Variants in PDCD6IP observed in about 807,000 individuals in gnomAD.
The protein encoded by PDCD6IP is programmed cell death 6-interacting protein.
In PDCD6IP, 43 loss-of-function variants were observed where a neutral mutation model predicts 103.7. The ratio of observed to expected loss-of-function variants is 0.41; its 90% confidence interval spans 0.32 to 0.53. The LOEUF is 0.53. Among genes scored for constraint, PDCD6IP ranks in the 20% least tolerant of loss-of-function variants. The pLI is 0.16. For missense variants in PDCD6IP, 871 were observed against 1,036.7 expected, an observed-to-expected ratio of 0.84 and a Z score of 2.20; for synonymous variants, 354 against 378.7, an observed-to-expected ratio of 0.93 and a Z score of 0.76.
chr3:33,808,294 G>A (rs1355184794), intron 1 of PDCD6IP, among the ~76,000 whole-genome samples: 3 of 152,126 alleles, frequency 2.0e-5, no homozygotes, highest in African/African-American at 7.2e-5. Context: ...ATTTTTTTGA[G>A]ACAAGATTTC....
At chr3:33,850,832 G>T (rs539894626) in intron 12 of PDCD6IP, among the ~76,000 whole-genome samples, 23 of 151,746 alleles carry the variant, frequency 1.5e-4, no homozygotes, top group Non-Finnish European at 3.2e-4. Context: ...TAGACTCTAG[G>T]AATCATATTT....
intron 15 of PDCD6IP, among the ~76,000 whole-genome samples, chr3:33,858,208 T>A (rs991116106): frequency 5.9e-5 from 9 of 152,318 alleles, no homozygotes; most frequent in Middle Eastern, 3.4e-3. Flanking sequence ...AAAATATAAG[T>A]TTGTCATATA....
At chr3:33,822,143 A>G in intron 4 of PDCD6IP, 61 bp downstream of exon 4, 1 of 1,553,132 alleles carries the variant, frequency 6.4e-7, no homozygotes, top group Non-Finnish European at 8.8e-7. Context: ...AGTGGAAAAT[A>G]ATTTGCATTT....
chr3:33,836,814 G>A (rs562176071), intron 8 of PDCD6IP, among the ~76,000 whole-genome samples: 10 of 151,876 alleles, frequency 6.6e-5, no homozygotes, highest in South Asian at 2.1e-4. Context: ...AGCTGAGACC[G>A]TGCCACCATA....
chr3:33,827,176 T>C, intron 6 of PDCD6IP: 3 of 982,258 alleles, frequency 3.1e-6, no homozygotes, highest in Non-Finnish European at 3.6e-6. Context: ...GTGACAATTG[T>C]AAAGACTATT....
At chr3:33,834,281 T>A (rs1043237626) in intron 7 of PDCD6IP, among the ~76,000 whole-genome samples, 5 of 152,178 alleles carry the variant, frequency 3.3e-5, no homozygotes, top group Non-Finnish European at 7.3e-5. Flanking sequence ...CCTGTTTTGT[T>A]GTTTTCAGAT....
In PDCD6IP at chr3:33,864,063, G is replaced by GT. The variant is rs1197988748; in HGVS notation, c.2179dup (p.Tyr727LeufsTer25). ...GTGCTCCTTCAATTCCTACACCTGCGTATCAGTCCTCACCAGCAGGAGGAC... is the reference window on the plus strand; with the variant it reads ...GTGCTCCTTCAATTCCTACACCTGCGTTATCAGTCCTCACCAGCAGGAGGAC... On this transcript the variant is annotated frameshift_variant, in exon 16 of 18. Coordinates refer to ENST00000307296, the MANE Select transcript of PDCD6IP (RefSeq NM_013374.6). LOFTEE classifies it high-confidence loss of function. 1 of 1,613,802 alleles carries GT rather than the reference G, an allele frequency of 6.2e-7. No homozygotes were observed. The highest frequency in any genetic ancestry group is 8.5e-7 in the Non-Finnish European group (1 of 1,179,914).
chr3:33,860,245 C>T (rs545681868), intron 15 of PDCD6IP, among the ~76,000 whole-genome samples: 13 of 152,220 alleles, frequency 8.5e-5, no homozygotes, highest in African/African-American at 3.1e-4. Flanking sequence ...TTTATTTACA[C>T]TTGTCAAGTA....
chr3:33,861,452 T>G (rs1697952452), intron 15 of PDCD6IP, among the ~76,000 whole-genome samples: 1 of 152,192 alleles, frequency 6.6e-6, no homozygotes, highest in South Asian at 2.1e-4. Context: ...AATATGTATT[T>G]TATACTTACA....
At position 33,865,525 on chromosome 3, in the gene PDCD6IP, A is replaced by G. The variant is rs766275660; in HGVS notation, c.2432+95A>G. 1.0e-4 allele frequency: 100 copies of G among 976,160 alleles called. 1 individual carries two copies. Among genetic ancestry groups the G allele is most frequent in the Admixed American group, 5.0e-4 (14 of 27,986 alleles). The allele number at this position is 976,160 out of a possible 1,614,324, so 60.5% of individuals were successfully genotyped here. A position where few individuals can be genotyped will look rare whatever the true frequency, so the allele number is the denominator to read the frequency against. On this transcript the variant is annotated intron_variant, in intron 17 of 17. Transcript: ENST00000307296. ...ACAGGGTCATCCCTTCTCCAAATGG[A>G]GGTGTCATGAATGAATAAGCTACAC...
At chr3:33,835,053 C>T (rs1697317748) in intron 7 of PDCD6IP, among the ~76,000 whole-genome samples, 1 of 152,046 alleles carries the variant, frequency 6.6e-6, no homozygotes, top group Admixed American at 6.5e-5. Flanking sequence ...ATCTTTCTGG[C>T]AAATTGGCAA....
rs1261301698 is a variant in PDCD6IP at position 33,869,025 on chromosome 3, A to G, written c.*2500A>G. The stretch of plus-strand genomic sequence containing the variant: ...GTATCCATACCCCAGCTTGTTTGCA[A>G]TTTATAAACCTCCCCTTCAAAACTA... On this transcript the variant is annotated 3_prime_UTR_variant, in exon 18 of 18. Transcript: ENST00000307296. The G allele has an allele frequency of 1.3e-5, 2 of 152,180 alleles. No individual in the cohort carries two copies. The highest frequency in any genetic ancestry group is 4.8e-5 in the African/African-American group (2 of 41,442). 9.4% of individuals were successfully genotyped at this position (152,180 alleles called of 1,614,324 possible). A position where few individuals can be genotyped will look rare whatever the true frequency, so the allele number is the denominator to read the frequency against.
At chr3:33,845,382 T>C (rs752473818) in intron 11 of PDCD6IP, 37 bp from the exon 12 acceptor site, 1 of 1,528,490 alleles carries the variant, frequency 6.5e-7, no homozygotes, top group Non-Finnish European at 8.9e-7. Context: ...GCTGTTAGAA[T>C]CACTTCTGTG....
intron 8 of PDCD6IP, 96 bp from the exon 9 acceptor site, chr3:33,838,108 G>A: frequency 1.0e-6 from 1 of 1,004,516 alleles, no homozygotes; most frequent in Non-Finnish European, 1.5e-6. Flanking sequence ...AATATTTATA[G>A]ACTATGTGAA....
chr3:33,830,831 A>T (rs981277321), intron 7 of PDCD6IP, among the ~76,000 whole-genome samples: 6 of 152,192 alleles, frequency 3.9e-5, no homozygotes, highest in African/African-American at 1.2e-4. Context: ...CAGAACAGAC[A>T]AGAAGTTGAC....
At chr3:33,801,834 A>T (rs1204371258) in intron 1 of PDCD6IP, among the ~76,000 whole-genome samples, 1 of 152,130 alleles carries the variant, frequency 6.6e-6, no homozygotes, top group Non-Finnish European at 1.5e-5. Context: ...TTTTGTGGTG[A>T]TCAGTTTCTT....
intron 5 of PDCD6IP, among the ~76,000 whole-genome samples, chr3:33,825,710 G>C (rs1282356069): frequency 7.2e-5 from 11 of 152,192 alleles, no homozygotes; most frequent in African/African-American, 2.7e-4. Flanking sequence ...CTTAGGTTTT[G>C]GCGACGGGAG....
At chr3:33,800,112 T>A (rs1696438524) in intron 1 of PDCD6IP, among the ~76,000 whole-genome samples, 1 of 89,672 alleles carries the variant, frequency 1.1e-5, no homozygotes, top group Admixed American at 1.7e-4. Context: ...AGAGTGAGAC[T>A]CCATCTCAAA....
chr3:33,801,634 A>AAAC (rs979514639), intron 1 of PDCD6IP, among the ~76,000 whole-genome samples: 1 of 152,090 alleles, frequency 6.6e-6, no homozygotes. Flanking sequence ...AAACAAAACA[A>AAAC]AACAACAACA....
Sources: allele counts gnomAD v4.1 joint callset (sites outside exome capture counted in the v4.1 genomes callset), GRCh38; gene constraint gnomAD v4.1.1; transcripts MANE v1.5; gene names NCBI Gene and HGNC (gene_info 2026-07-23, HGNC 2026-07-21).